SUCLA2: variants seen among roughly 807,000 people sequenced by gnomAD.
SUCLA2 encodes succinate--CoA ligase [ADP-forming] subunit beta, mitochondrial.
In SUCLA2, 30 loss-of-function variants were observed where a neutral mutation model predicts 54.8. The ratio of observed to expected loss-of-function variants is 0.55; its 90% confidence interval spans 0.41 to 0.74. The LOEUF (loss-of-function observed/expected upper bound fraction) is 0.74. Ranked by LOEUF, SUCLA2 falls within the 30% of genes least tolerant of loss-of-function variation. The probability of loss-of-function intolerance (pLI) is 0.00; values close to 1 mark genes in which losing one functional copy is unlikely to be tolerated. For missense variants in SUCLA2, 476 were observed against 562.9 expected (o/e 0.85, Z 1.56); for synonymous variants, 172 against 188.9 (o/e 0.91, Z 0.74).
intron 8 of SUCLA2, among the ~76,000 whole-genome samples, chr13:47,951,423 T>C (rs1440309454): frequency 6.7e-6 from 1 of 149,920 alleles, no homozygotes; most frequent in Non-Finnish European, 1.5e-5. Context: ...CTGGGACATA[T>C]GGCTAAGCAA....
chr13:47,979,676 A>G (rs1442670434), intron 4 of SUCLA2, among the ~76,000 whole-genome samples: 2 of 152,242 alleles, frequency 1.3e-5, no homozygotes, highest in Admixed American at 1.3e-4. Context: ...CCAACATCAT[A>G]CACAAAAATG....
chr13:47,980,140 G>T lies in SUCLA2; in HGVS notation c.535-6748C>A, dbSNP rs184759370. Reference sequence around the variant, plus strand: ...AATTAAAGAAGACACAAACAGGCAGGGCGCGGTGGCTCACGCCTGTAATCC... The same window carrying T: ...AATTAAAGAAGACACAAACAGGCAGTGCGCGGTGGCTCACGCCTGTAATCC... On this transcript the variant is annotated intron_variant, in intron 4 of 10. Transcript: ENST00000646932. Among the ~76,000 whole-genome samples the T allele has an allele frequency of 4.2e-4, 64 of 152,288 alleles. No homozygotes were observed. In the East Asian group the frequency reaches 9.8e-3, roughly 23 times the overall value.
intron 4 of SUCLA2, among the ~76,000 whole-genome samples, chr13:47,982,239 T>A (rs543385274): frequency 1.3e-5 from 2 of 152,302 alleles, no homozygotes; most frequent in African/African-American, 4.8e-5. Context: ...AAATGCAGTA[T>A]ATACATAAAA....
At chr13:47,962,226 T>C (rs929829135) in intron 6 of SUCLA2, among the ~76,000 whole-genome samples, 1 of 152,226 alleles carries the variant, frequency 6.6e-6, no homozygotes, top group Non-Finnish European at 1.5e-5. Flanking sequence ...TAGAGGATAC[T>C]TTAATAAGTA....
intron 6 of SUCLA2, among the ~76,000 whole-genome samples, chr13:47,962,359 A>C (rs1479676514): frequency 2.0e-5 from 3 of 152,214 alleles, no homozygotes; most frequent in African/African-American, 4.8e-5. Flanking sequence ...TTCTTTTGTA[A>C]TGGGACACAG....
At chr13:48,001,146 A>C in intron 1 of SUCLA2, 34 bp downstream of exon 1, 1 of 1,587,090 alleles carries the variant, frequency 6.3e-7, no homozygotes, top group Non-Finnish European at 8.6e-7. Flanking sequence ...TCTCCTGCCG[A>C]CCCTCGAGAC....
chr13:47,987,978 C>T lies in SUCLA2; in HGVS notation c.534+563G>A, dbSNP rs143078365. 7.3e-3 allele frequency: 1,104 copies of T among 152,184 alleles called. 9 individuals carry two copies. The highest frequency in any genetic ancestry group is 0.012 in the Non-Finnish European group (808 of 68,016). The allele number at this position is 152,184 out of a possible 1,614,324, so 9.4% of individuals were successfully genotyped here. ...TTCTCTTCACCAGAAGCTTTATGTT[C>T]AACATTTTAGGTTCCATAAAGAGAG... On this transcript the variant is annotated intron_variant, in intron 4 of 10. Transcript: ENST00000646932.
intron 3 of SUCLA2, 45 bp from the exon 4 acceptor site, chr13:47,988,748 G>A (rs779871654): frequency 6.2e-6 from 10 of 1,610,442 alleles, no homozygotes. Context: ...CTCCAGTTGA[G>A]AAAAAGCAAA....
At chr13:47,963,607 T>C (rs1949890704) in intron 6 of SUCLA2, among the ~76,000 whole-genome samples, 1 of 151,982 alleles carries the variant, frequency 6.6e-6, no homozygotes, top group South Asian at 2.1e-4. Flanking sequence ...ATCACGCCAC[T>C]GCACTCCAGC....
At chr13:47,943,764 G>GTATATATATATATATA (rs1366859649) in intron 10 of SUCLA2, among the ~76,000 whole-genome samples, 344 of 137,940 alleles carry the variant, frequency 2.5e-3, no homozygotes, top group African/African-American at 8.9e-3. Context: ...GTGTGTGTGT[G>GTATATATATATATATA]TGTATATATA....
At chr13:47,968,534 T>A in intron 6 of SUCLA2, 61 bp downstream of exon 6, 1 of 1,593,010 alleles carries the variant, frequency 6.3e-7, no homozygotes, top group Non-Finnish European at 8.6e-7. Flanking sequence ...TTTAACTTCC[T>A]TAGGGAAGCA....
At chr13:47,945,139 C>T (rs1040679800) in intron 10 of SUCLA2, among the ~76,000 whole-genome samples, 2 of 150,516 alleles carry the variant, frequency 1.3e-5, no homozygotes, top group Non-Finnish European at 3.0e-5. Context: ...ATCCCAGCTG[C>T]TTGGGAGGCT....
rs1949700265 is a variant in SUCLA2, at chr13:47,943,310, C to T, written c.*61G>A. On this transcript the variant is annotated 3_prime_UTR_variant, in exon 11 of 11. Coordinates refer to ENST00000646932, the MANE Select transcript of SUCLA2 (RefSeq NM_003850.3). The stretch of plus-strand genomic sequence containing the variant: ...AAAGAAAAAGAACAATAACACAGAA[C>T]ACAGTATTCTTAATGATTATAGCAC... 1 of 1,475,488 alleles carries T rather than the reference C, an allele frequency of 6.8e-7. No individual in the cohort carries two copies. The highest frequency in any genetic ancestry group is 9.5e-7 in the Non-Finnish European group (1 of 1,054,758). The allele number at this position is 1,475,488 out of a possible 1,614,324, so 91.4% of individuals were successfully genotyped here.
At chr13:47,974,482 C>G (rs1949992856) in intron 4 of SUCLA2, among the ~76,000 whole-genome samples, 1 of 152,006 alleles carries the variant, frequency 6.6e-6, no homozygotes, top group Non-Finnish European at 1.5e-5. Flanking sequence ...AGCTACACAG[C>G]AGGCTGAAAT....
At position 47,943,241 on chromosome 13, in the gene SUCLA2, A is replaced by T; in HGVS notation, c.*130T>A. On this transcript the variant is annotated 3_prime_UTR_variant, in exon 11 of 11. Transcript: ENST00000646932. The stretch of plus-strand genomic sequence containing the variant: ...ATTAAATGCAGTCCAAATCCTTTTA[A>T]ATGTTTGTGTGCCTAGATGGCAATT... 1 of 911,446 alleles carries T rather than the reference A, an allele frequency of 1.1e-6. No homozygotes were observed. Among genetic ancestry groups the T allele is most frequent in the Non-Finnish European group, 1.8e-6 (1 of 545,466 alleles). The allele number at this position is 911,446 out of a possible 1,614,324, so 56.5% of individuals were successfully genotyped here. A position where few individuals can be genotyped will look rare whatever the true frequency, so the allele number is the denominator to read the frequency against.
Position 47,951,307 on chromosome 13 carries a change from C to A in SUCLA2, c.1108-1704G>T, listed in dbSNP as rs1949773448. Among the ~76,000 whole-genome samples, 2 of 139,792 alleles carry A rather than the reference C, an allele frequency of 1.4e-5. 1 individual carries two copies. Among genetic ancestry groups the A allele is most frequent in the Non-Finnish European group, 3.1e-5 (2 of 63,762 alleles). The allele number at this position is 139,792 out of a possible 152,430, so 91.7% of individuals were successfully genotyped here. A position where few individuals can be genotyped will look rare whatever the true frequency, so the allele number is the denominator to read the frequency against. On this transcript the variant is annotated intron_variant, in intron 8 of 10. Transcript: ENST00000646932. ...CTTTTCTTCTTAAAAGCCTCTAGTC[C>A]GCCACCCCGCCCCCGCTCCCAAGAA... is the stretch of plus-strand genomic sequence containing the variant.
intron 1 of SUCLA2, among the ~76,000 whole-genome samples, chr13:47,998,912 A>G (rs1156340483): frequency 1.3e-5 from 2 of 152,222 alleles, no homozygotes; most frequent in Non-Finnish European, 2.9e-5. Flanking sequence ...AAATAATAAT[A>G]AAAATTAGTG....
At chr13:47,980,729 C>T (rs1950054717) in intron 4 of SUCLA2, among the ~76,000 whole-genome samples, 1 of 151,718 alleles carries the variant, frequency 6.6e-6, no homozygotes, top group African/African-American at 2.4e-5. Context: ...CATGATAATG[C>T]ATAAAAAAAC....
chr13:47,972,258 G>GAAAATAAAT (rs1478335262), intron 5 of SUCLA2, among the ~76,000 whole-genome samples: 1 of 151,844 alleles, frequency 6.6e-6, no homozygotes, highest in Non-Finnish European at 1.5e-5. Flanking sequence ...CCATCTCAAA[G>GAAAATAAAT]AAAATAAATA....
Sources: gnomAD v4.1 joint callset for allele counts (sites outside exome capture counted in the v4.1 genomes callset) on GRCh38, gnomAD v4.1.1 for gene constraint, MANE v1.5 for transcripts, NCBI Gene and HGNC (gene_info 2026-07-23, HGNC 2026-07-21) for gene names.